The following MEF2A variants were observed in gnomAD, a reference collection of about 807,000 sequenced individuals.
MEF2A encodes myocyte enhancer factor 2A, also known as myocyte-specific enhancer factor 2A.
Under a neutral mutation model 55.8 loss-of-function variants are expected in MEF2A, and 28 were observed. The observed-to-expected ratio is 0.50, with a 90% CI of 0.37 to 0.69. The LOEUF (loss-of-function observed/expected upper bound fraction) is 0.69. Ranked by LOEUF, MEF2A falls within the 30% of genes least tolerant of loss-of-function variation. The pLI, the probability that MEF2A is intolerant of heterozygous loss-of-function variation, is 0.00. For missense variants in MEF2A, 528 were observed against 626.2 expected, an observed-to-expected ratio of 0.84 and a Z score of 1.67; for synonymous variants, 239 against 227.1, an observed-to-expected ratio of 1.05 and a Z score of -0.47.
At position 99,683,940 on chromosome 15, in the gene MEF2A, T is replaced by C. The variant is rs190608787; in HGVS notation, c.671-6301T>C. 3.0e-4 allele frequency among the ~76,000 whole-genome samples: 45 copies of C among 152,256 alleles called. 1 individual carries two copies. The East Asian group carries it at 5.4e-3, about 18-fold the overall frequency. On this transcript the variant is annotated intron_variant, in intron 7 of 11. Coordinates refer to ENST00000557942, the MANE Select transcript of MEF2A (RefSeq NM_001319206.4). ...ATCCTCATAGCTTAGCTCCCACTTA[T>C]AAGTGAAAACATGTGATGTTTGGTT...
chr15:99,638,665 C>A lies in MEF2A; in HGVS notation c.54+5492C>A, dbSNP rs924135065. On this transcript the variant is annotated intron_variant, in intron 3 of 11. Transcript: ENST00000557942. ...GATTTTTCATTTTTATGGAAATGGC[C>A]CATCTTGTCATCCATTTTCTCCATT... Among the ~76,000 whole-genome samples the A allele has an allele frequency of 2.0e-5, 3 of 151,864 alleles. No individual in the cohort carries two copies. The East Asian group carries it at 5.8e-4, about 29-fold the overall frequency.
At chr15:99,593,204 T>TAC (rs1969950536) in intron 1 of MEF2A, among the ~76,000 whole-genome samples, 1 of 152,124 alleles carries the variant, frequency 6.6e-6, no homozygotes, top group Non-Finnish European at 1.5e-5. Context: ...AAATTCCCAT[T>TAC]ACCTCAGACT....
chr15:99,694,982 GTTT>G lies in MEF2A; in HGVS notation c.858+4564_858+4566del, dbSNP rs56283620. Among the ~76,000 whole-genome samples, 28 of 147,378 alleles carry G rather than the reference GTTT, an allele frequency of 1.9e-4. No homozygotes were observed. In the East Asian group the frequency reaches 2.5e-3, roughly 13 times the overall value. ...CTTTGATATATCCTTATTTTTGTGG[GTTT>G]TTTTTTTTTCAGGGGGAGCAGGCGC... On this transcript the variant is annotated intron_variant, in intron 8 of 11. Coordinates refer to ENST00000557942, the MANE Select transcript of MEF2A (RefSeq NM_001319206.4).
chr15:99,702,700 CTT>C (rs1004437477), intron 8 of MEF2A, among the ~76,000 whole-genome samples: 12 of 152,086 alleles, frequency 7.9e-5, no homozygotes, highest in Non-Finnish European at 1.8e-4. Context: ...CTTTACATGA[CTT>C]ATGAATTCAT....
chr15:99,666,506 C>A (rs1227868375), intron 4 of MEF2A, among the ~76,000 whole-genome samples: 2 of 151,380 alleles, frequency 1.3e-5, no homozygotes, highest in Admixed American at 1.3e-4. Flanking sequence ...ATAGGTGCAG[C>A]AAGCCACCAT....
At chr15:99,686,055 C>T (rs989721025) in intron 7 of MEF2A, among the ~76,000 whole-genome samples, 2 of 152,022 alleles carry the variant, frequency 1.3e-5, no homozygotes, top group South Asian at 4.1e-4. Context: ...TGTATATTTC[C>T]AGGAATTTAT....
chr15:99,625,387 GATTCT>G (rs2041894449), intron 2 of MEF2A, among the ~76,000 whole-genome samples: 1 of 152,082 alleles, frequency 6.6e-6, no homozygotes, highest in African/African-American at 2.4e-5. Context: ...CTCATGAAAG[GATTCT>G]AGGGGACAAA....
rs1224072356 is a variant in MEF2A at position 99,617,977 on chromosome 15, A to C, written c.-142-15001A>C. 2.6e-5 allele frequency among the ~76,000 whole-genome samples: 4 copies of C among 152,202 alleles called. No individual in the cohort carries two copies. In the East Asian group the frequency reaches 7.7e-4, roughly 29 times the overall value. Reference sequence around the variant, plus strand: ...ATTTGTAAATTACATGTAAACATTTAATGAAACAAACTTTAAAAAAGCACA... The same window carrying C: ...ATTTGTAAATTACATGTAAACATTTCATGAAACAAACTTTAAAAAAGCACA... On this transcript the variant is annotated intron_variant, in intron 2 of 11. Coordinates refer to ENST00000557942, the MANE Select transcript of MEF2A (RefSeq NM_001319206.4).
intron 8 of MEF2A, among the ~76,000 whole-genome samples, chr15:99,699,562 G>A (rs527871160): frequency 3.3e-5 from 5 of 152,274 alleles, no homozygotes; most frequent in Admixed American, 2.0e-4. Context: ...AAAAGATTCC[G>A]GGGGAGCCCA....
At chr15:99,571,069 C>T (rs955797544) in intron 1 of MEF2A, among the ~76,000 whole-genome samples, 8 of 151,886 alleles carry the variant, frequency 5.3e-5, no homozygotes, top group Non-Finnish European at 8.8e-5. Flanking sequence ...CCTGTTATCC[C>T]GCCACTCTGG....
chr15:99,616,342 A>G (rs1040764695), intron 2 of MEF2A, among the ~76,000 whole-genome samples: 7 of 152,144 alleles, frequency 4.6e-5, no homozygotes, highest in Admixed American at 1.3e-4. Context: ...TTTTTTGTCA[A>G]TAGTTAATTG....
At chr15:99,571,541 A>G (rs1962299394) in intron 1 of MEF2A, among the ~76,000 whole-genome samples, 1 of 152,084 alleles carries the variant, frequency 6.6e-6, no homozygotes, top group African/African-American at 2.4e-5. Flanking sequence ...TTCAGTTTCT[A>G]TGCCCTAGTC....
chr15:99,643,783 G>A (rs2045465025), intron 3 of MEF2A, among the ~76,000 whole-genome samples: 1 of 151,926 alleles, frequency 6.6e-6, no homozygotes, highest in Non-Finnish European at 1.5e-5. Flanking sequence ...AGTAGAGACG[G>A]GGTTTCGTAG....
intron 3 of MEF2A, among the ~76,000 whole-genome samples, chr15:99,634,878 A>G (rs2043513058): frequency 6.6e-6 from 1 of 152,234 alleles, no homozygotes; most frequent in African/African-American, 2.4e-5. Context: ...GAGAAAAGAC[A>G]TAAAAGAAAT....
chr15:99,634,135 A>G (rs2043373420), intron 3 of MEF2A, among the ~76,000 whole-genome samples: 1 of 152,224 alleles, frequency 6.6e-6, no homozygotes, highest in Non-Finnish European at 1.5e-5. Context: ...TTTACCAGGA[A>G]CAGAACGAAA....
intron 1 of MEF2A, among the ~76,000 whole-genome samples, chr15:99,588,214 T>G (rs1968017717): frequency 6.6e-6 from 1 of 152,132 alleles, no homozygotes; most frequent in African/African-American, 2.4e-5. Flanking sequence ...CTGCCTGGGC[T>G]CAAGCAATCC....
chr15:99,607,182 A>G (rs1273339420), intron 2 of MEF2A, among the ~76,000 whole-genome samples: 1 of 152,178 alleles, frequency 6.6e-6, no homozygotes, highest in Non-Finnish European at 1.5e-5. Flanking sequence ...AGCAACAACA[A>G]CCACAAAAGA....
At chr15:99,647,948 C>CT (rs1555473261) in intron 4 of MEF2A, among the ~76,000 whole-genome samples, 2 of 151,988 alleles carry the variant, frequency 1.3e-5, no homozygotes, top group African/African-American at 2.4e-5. Flanking sequence ...TGAGATAGGC[C>CT]TTTTTTCACA....
At chr15:99,602,899 A>G (rs1288979726) in intron 2 of MEF2A, among the ~76,000 whole-genome samples, 1 of 151,736 alleles carries the variant, frequency 6.6e-6, no homozygotes, top group African/African-American at 2.4e-5. Flanking sequence ...GGCTATTTGG[A>G]TTTATGTTAA....
Sources: gnomAD v4.1 joint callset for allele counts (sites outside exome capture counted in the v4.1 genomes callset) on GRCh38, gnomAD v4.1.1 for gene constraint, MANE v1.5 for transcripts, NCBI Gene and HGNC (gene_info 2026-07-23, HGNC 2026-07-21) for gene names.